Variants in GPHN observed in about 807,000 individuals in gnomAD.
GPHN encodes the protein gephyrin.
A neutral mutation model predicts 95.5 loss-of-function variants in GPHN; 17 were observed. The observed-to-expected ratio is 0.18, with a 90% CI of 0.12 to 0.27. The LOEUF (loss-of-function observed/expected upper bound fraction) is 0.27. GPHN is among the 10% of genes least tolerant of loss of function. The pLI, the probability that GPHN is intolerant of heterozygous loss-of-function variation, is 1.00. For missense variants in GPHN, 660 were observed against 978.1 expected (o/e 0.67, Z 4.34); for synonymous variants, 320 against 322.5 (o/e 0.99, Z 0.08).
At chr14:66,798,947 T>C (rs182434523) in intron 3 of GPHN, among the ~76,000 whole-genome samples, 1 of 152,062 alleles carries the variant, frequency 6.6e-6, no homozygotes, top group Non-Finnish European at 1.5e-5. Flanking sequence ...ATGTAGGCCC[T>C]TACAGCTATA....
the GPHN span, chr14:67,724,395 T>C: frequency 3.9e-6 from 1 of 255,484 alleles, no homozygotes; most frequent in Non-Finnish European, 5.1e-6. Context: ...GGATAGAGTT[T>C]TTTTTTTTTT....
At chr14:66,770,625 A>G (rs1391810811) in intron 2 of GPHN, among the ~76,000 whole-genome samples, 3 of 152,130 alleles carry the variant, frequency 2.0e-5, no homozygotes, top group South Asian at 2.1e-4. Context: ...GTGCATGTTT[A>G]TTGATTCTGC....
chr14:67,515,407 C>CTGG, the GPHN span: 1 of 176,184 alleles, frequency 5.7e-6, no homozygotes, highest in African/African-American at 2.4e-5. Flanking sequence ...AAAGGAGCCC[C>CTGG]CGGCGGCGGC....
the GPHN span, chr14:67,725,317 T>A: frequency 6.5e-7 from 1 of 1,534,942 alleles, no homozygotes; most frequent in Non-Finnish European, 9.0e-7. Context: ...TGCTCCACCC[T>A]AGACCATCTA....
rs541955582 is a variant in GPHN, at chr14:66,849,274, A to C, written c.294+24708A>C. ...AATTGGGATTTGTCAATCACTGAAA[A>C]ATACTTAAAAACTATGAGTAATTTA... On this transcript the variant is annotated intron_variant, in intron 4 of 22. Coordinates refer to ENST00000478722, the MANE Select transcript of GPHN (RefSeq NM_020806.5). 2.0e-5 allele frequency among the ~76,000 whole-genome samples: 3 copies of C among 152,062 alleles called. No individual in the cohort carries two copies. The South Asian group carries it at 6.2e-4, about 31-fold the overall frequency.
intron 4 of GPHN, among the ~76,000 whole-genome samples, chr14:66,879,104 G>A (rs1191824863): frequency 6.6e-6 from 1 of 151,940 alleles, no homozygotes; most frequent in Non-Finnish European, 1.5e-5. Flanking sequence ...AACTAACACA[G>A]GAACAGAAAA....
Position 66,957,054 on chromosome 14 carries a change from T to C in GPHN, c.829-8137T>C, listed in dbSNP as rs527693287. ...GGGTGCAGCGCACCAGCATGGCACATGTATACATATGTAACTAACCTGCAC... is the reference window on the plus strand; with the variant it reads ...GGGTGCAGCGCACCAGCATGGCACACGTATACATATGTAACTAACCTGCAC... On this transcript the variant is annotated intron_variant, in intron 8 of 22. Coordinates refer to ENST00000478722, the MANE Select transcript of GPHN (RefSeq NM_020806.5). Among the ~76,000 whole-genome samples, 38 of 151,130 alleles carry C rather than the reference T, an allele frequency of 2.5e-4. No individual in the cohort carries two copies. In the East Asian group the frequency reaches 7.0e-3, roughly 28 times the overall value.
intron 1 of GPHN, among the ~76,000 whole-genome samples, chr14:66,679,902 C>T (rs2066839526): frequency 6.6e-6 from 1 of 152,016 alleles, no homozygotes; most frequent in African/African-American, 2.4e-5. Context: ...TATATTTATT[C>T]TCTTTTCCCT....
chr14:66,807,338 C>T lies in GPHN; in HGVS notation c.202-17136C>T, dbSNP rs149134567. 6.0e-3 allele frequency among the ~76,000 whole-genome samples: 906 copies of T among 152,252 alleles called. 17 individuals are homozygous for T. Among genetic ancestry groups the T allele is most frequent in the East Asian group, 0.05 (260 of 5,186 alleles). ...CAAACCATATCATCCTCATAACAAA[C>T]ATATGCAGTAGGTATAATTATTGTC... On this transcript the variant is annotated intron_variant, in intron 3 of 22. Coordinates refer to ENST00000478722, the MANE Select transcript of GPHN (RefSeq NM_020806.5).
At chr14:67,323,053 A>G in the GPHN span, among the ~76,000 whole-genome samples, 1 of 152,136 alleles carries the variant, frequency 6.6e-6, no homozygotes, top group African/African-American at 2.4e-5. Flanking sequence ...TTGATTTTTA[A>G]TATGGTTATT....
chr14:66,849,158 A>G (rs944641869), intron 4 of GPHN, among the ~76,000 whole-genome samples: 66 of 151,954 alleles, frequency 4.3e-4, no homozygotes, highest in Admixed American at 1.5e-3. Flanking sequence ...AATTTGAACT[A>G]GGTAGTCTTT....
chr14:66,758,846 C>T (rs1391904704), intron 2 of GPHN, among the ~76,000 whole-genome samples: 1 of 152,136 alleles, frequency 6.6e-6, no homozygotes, highest in Admixed American at 6.5e-5. Context: ...TTCTTGTGAG[C>T]TGCAGCCAGA....
intron 1 of GPHN, among the ~76,000 whole-genome samples, chr14:66,535,284 T>C (rs2059101528): frequency 6.6e-6 from 1 of 152,142 alleles, no homozygotes; most frequent in African/African-American, 2.4e-5. Context: ...TTGATATAAA[T>C]CAGGTGAGTC....
intron 9 of GPHN, among the ~76,000 whole-genome samples, chr14:66,977,890 C>G (rs2070369678): frequency 6.6e-6 from 1 of 152,120 alleles, no homozygotes; most frequent in African/African-American, 2.4e-5. Context: ...ATAAAGCCAA[C>G]TAGAGTTATT....
the GPHN span, among the ~76,000 whole-genome samples, chr14:67,560,371 G>A: frequency 6.6e-6 from 1 of 152,166 alleles, no homozygotes; most frequent in African/African-American, 2.4e-5. Flanking sequence ...ATTTGTGTGT[G>A]TGTGGTAAAA....
the GPHN span, among the ~76,000 whole-genome samples, chr14:67,523,822 C>T: frequency 6.6e-6 from 1 of 152,120 alleles, no homozygotes; most frequent in Non-Finnish European, 1.5e-5. Flanking sequence ...GAAGGGGAAA[C>T]AATATCTTTG....
At chr14:67,071,317 G>A (rs61990914) in intron 11 of GPHN, among the ~76,000 whole-genome samples, 26,366 of 152,114 alleles carry the variant, frequency 0.17, 2,744 homozygotes, top group Non-Finnish European at 0.24. Flanking sequence ...AAAATGATGA[G>A]TTCATGTTCT....
chr14:67,099,921 A>G (rs2077602800), intron 12 of GPHN, among the ~76,000 whole-genome samples: 1 of 152,152 alleles, frequency 6.6e-6, no homozygotes, highest in South Asian at 2.1e-4. Flanking sequence ...AATGGTCATG[A>G]TTTTAAAACT....
At chr14:67,284,702 T>C in the GPHN span, among the ~76,000 whole-genome samples, 1 of 151,756 alleles carries the variant, frequency 6.6e-6, no homozygotes, top group Non-Finnish European at 1.5e-5. Flanking sequence ...TCTTTTTGGA[T>C]TTGCTTATTC....
Sources: gnomAD v4.1 joint callset for allele counts (sites outside exome capture counted in the v4.1 genomes callset) on GRCh38, gnomAD v4.1.1 for gene constraint, MANE v1.5 for transcripts, NCBI Gene and HGNC (gene_info 2026-07-23, HGNC 2026-07-21) for gene names.